NTN4: variants seen among roughly 807,000 people sequenced by gnomAD.
The protein encoded by NTN4 is netrin 4.
In NTN4, 32 loss-of-function variants were observed where a neutral mutation model predicts 73.6. The observed-to-expected ratio is 0.44, with a 90% CI of 0.33 to 0.58. The LOEUF is 0.58. Ranked by LOEUF, NTN4 falls within the 20% of genes least tolerant of loss-of-function variation. NTN4 has a pLI of 0.04. For missense variants in NTN4, 654 were observed against 798.3 expected (o/e 0.82, Z 2.18); for synonymous variants, 258 against 287.5 (o/e 0.90, Z 1.04).
At chr12:95,708,701 A>T (rs2078539982) in intron 5 of NTN4, among the ~76,000 whole-genome samples, 1 of 151,894 alleles carries the variant, frequency 6.6e-6, no homozygotes, top group Non-Finnish European at 1.5e-5. Flanking sequence ...GAGCCACCCC[A>T]CCTGGCGTAG....
At chr12:95,674,281 G>A (rs1254402875) in intron 7 of NTN4, among the ~76,000 whole-genome samples, 2 of 152,138 alleles carry the variant, frequency 1.3e-5, no homozygotes, top group Non-Finnish European at 2.9e-5. Flanking sequence ...AACTCCAAAT[G>A]GCATATACTG....
rs79923942 is a variant in NTN4, at chr12:95,763,253, T to C, written c.585+23686A>G. ...AAACAGCTCAAAGAATTTTTAATAA[T>C]CAAAAAAGAACATGAGGCCATTTAA... is the stretch of plus-strand genomic sequence containing the variant. On this transcript the variant is annotated intron_variant, in intron 2 of 9. Coordinates refer to ENST00000343702, the MANE Select transcript of NTN4 (RefSeq NM_021229.4). Among the ~76,000 whole-genome samples the C allele has an allele frequency of 2.4e-4, 36 of 151,304 alleles. No individual in the cohort carries two copies. In the South Asian group the frequency reaches 7.5e-3, roughly 32 times the overall value.
chr12:95,698,891 CTCTT>C (rs1198426793), intron 5 of NTN4, among the ~76,000 whole-genome samples: 1 of 151,732 alleles, frequency 6.6e-6, no homozygotes, highest in Non-Finnish European at 1.5e-5. Context: ...ATCGTAGCTT[CTCTT>C]TTTTTGATGA....
chr12:95,726,931 C>T (rs1175624362), intron 3 of NTN4, among the ~76,000 whole-genome samples: 4 of 151,862 alleles, frequency 2.6e-5, no homozygotes, highest in Admixed American at 1.3e-4. Context: ...GATTGCGCCA[C>T]TGCACTCCAG....
intron 2 of NTN4, among the ~76,000 whole-genome samples, chr12:95,740,822 C>T (rs1403305024): frequency 6.6e-6 from 1 of 152,144 alleles, no homozygotes; most frequent in Non-Finnish European, 1.5e-5. Context: ...ATCTCTACAT[C>T]AGAGGTTCTC....
chr12:95,757,580 C>T (rs1297832644), intron 2 of NTN4, among the ~76,000 whole-genome samples: 1 of 151,428 alleles, frequency 6.6e-6, no homozygotes, highest in African/African-American at 2.4e-5. Context: ...AGAACAGCCA[C>T]GTGTGAGAGG....
intron 5 of NTN4, among the ~76,000 whole-genome samples, chr12:95,696,631 A>AT (rs2078444320): frequency 6.6e-6 from 1 of 151,832 alleles, no homozygotes; most frequent in Admixed American, 6.5e-5. Flanking sequence ...TCATGAAATG[A>AT]TTTTATGTTT....
intron 2 of NTN4, 25 bp downstream of exon 2, chr12:95,786,914 T>C (rs59294014): frequency 0.05 from 79,727 of 1,599,072 alleles, 8,526 homozygotes; most frequent in East Asian, 0.4. Flanking sequence ...TTACTTACAG[T>C]GTAGAGTTAA....
At chr12:95,776,037 A>C (rs1195470053) in intron 2 of NTN4, among the ~76,000 whole-genome samples, 1 of 152,200 alleles carries the variant, frequency 6.6e-6, no homozygotes, top group Non-Finnish European at 1.5e-5. Flanking sequence ...CGCTGCTGAC[A>C]CCCAGGCAAA....
rs917824607 is a variant in NTN4 at position 95,781,875 on chromosome 12, T to A, written c.585+5064A>T. ...TACTTATTTGCTCTCTATCTCCCCA[T>A]CCCCACATTAGAATCTGAGTTTCAT... is the stretch of plus-strand genomic sequence containing the variant. On this transcript the variant is annotated intron_variant, in intron 2 of 9. Coordinates refer to ENST00000343702, the MANE Select transcript of NTN4 (RefSeq NM_021229.4). This position sits in a 1 kb window ranked among gnomAD's most constrained non-coding sequence, Gnocchi z 4.1. 1.3e-5 allele frequency among the ~76,000 whole-genome samples: 2 copies of A among 152,136 alleles called. No homozygotes were observed. Among genetic ancestry groups the A allele is most frequent in the African/African-American group, 4.8e-5 (2 of 41,422 alleles).
chr12:95,781,442 T>C lies in NTN4; in HGVS notation c.585+5497A>G, dbSNP rs183406992. Among the ~76,000 whole-genome samples, 4 of 152,304 alleles carry C rather than the reference T, an allele frequency of 2.6e-5. No homozygotes were observed. Among genetic ancestry groups the C allele is most frequent in the Admixed American group, 2.6e-4 (4 of 15,304 alleles). On this transcript the variant is annotated intron_variant, in intron 2 of 9. Transcript: ENST00000343702. The surrounding 1 kb of genome is among the most constrained non-coding windows in gnomAD (Gnocchi z 4.1). ...TATCAAACACAAATCCTTCAATCTGTTTTAAAAATAGCAAACCTGGGTGGG... is the reference window on the plus strand; with the variant it reads ...TATCAAACACAAATCCTTCAATCTGCTTTAAAAATAGCAAACCTGGGTGGG...
chr12:95,734,701 C>T (rs752276688), intron 3 of NTN4, among the ~76,000 whole-genome samples: 3 of 152,140 alleles, frequency 2.0e-5, no homozygotes, highest in Non-Finnish European at 2.9e-5. Flanking sequence ...AAAGGCTATA[C>T]TTTCAATGTG....
rs147931553 is a variant in NTN4 at position 95,746,537 on chromosome 12, G to A, written c.586-8393C>T. ...CAAAGTGTGGCGTTTTCTCTAACTC[G>A]CTCAGGTACAACAAGGGTGTTTCTC... is the stretch of plus-strand genomic sequence containing the variant. On this transcript the variant is annotated intron_variant, in intron 2 of 9. Transcript: ENST00000343702. 6.5e-3 allele frequency among the ~76,000 whole-genome samples: 982 copies of A among 152,198 alleles called. 12 individuals are homozygous for A. The highest frequency in any genetic ancestry group is 0.011 in the Non-Finnish European group (734 of 68,006).
intron 2 of NTN4, among the ~76,000 whole-genome samples, chr12:95,769,751 C>CTTTTTT (rs34093723): frequency 7.7e-5 from 9 of 117,120 alleles, no homozygotes; most frequent in Admixed American, 3.8e-4. Context: ...AGGTTTCAAT[C>CTTTTTT]TTTTTTTTTT....
intron 1 of NTN4, among the ~76,000 whole-genome samples, chr12:95,788,212 T>C (rs567282685): frequency 1.6e-4 from 24 of 152,322 alleles, no homozygotes; most frequent in Non-Finnish European, 2.8e-4. Flanking sequence ...TTACATGCTG[T>C]CTCTTCAGGG....
intron 2 of NTN4, among the ~76,000 whole-genome samples, chr12:95,769,682 G>A (rs1418289400): frequency 6.6e-6 from 1 of 151,126 alleles, no homozygotes; most frequent in Non-Finnish European, 1.5e-5. Flanking sequence ...AATGGTTGAA[G>A]TATGGACATT....
intron 7 of NTN4, among the ~76,000 whole-genome samples, chr12:95,676,130 G>T (rs879439989): frequency 1.1e-4 from 16 of 152,028 alleles, no homozygotes; most frequent in Admixed American, 6.6e-4. Context: ...TTGAGATGGA[G>T]TCTCCCTCTG....
chr12:95,695,169 A>G (rs1433238105), intron 5 of NTN4, among the ~76,000 whole-genome samples: 2 of 152,110 alleles, frequency 1.3e-5, no homozygotes, highest in African/African-American at 2.4e-5. Flanking sequence ...TAAGAAAACA[A>G]TCTGAATTAT....
intron 2 of NTN4, among the ~76,000 whole-genome samples, chr12:95,779,963 T>C (rs2079120825): frequency 6.6e-6 from 1 of 152,048 alleles, no homozygotes; most frequent in Non-Finnish European, 1.5e-5. Flanking sequence ...TGTAGACCAA[T>C]GGAACAGAAC....
Sources: allele counts gnomAD v4.1 joint callset (sites outside exome capture counted in the v4.1 genomes callset), GRCh38; gene constraint gnomAD v4.1.1; non-coding constraint Gnocchi (gnomAD v3.1); transcripts MANE v1.5; gene names NCBI Gene and HGNC (gene_info 2026-07-23, HGNC 2026-07-21).